Variants in RBFOX1 observed in about 807,000 individuals in gnomAD.
RBFOX1 encodes the protein RNA binding fox-1 homolog 1, also known as RNA binding protein fox-1 homolog 1.
A neutral mutation model predicts 57.7 loss-of-function variants in RBFOX1; 8 were observed. The observed-to-expected ratio is 0.14, with a 90% CI of 0.08 to 0.25. RBFOX1 has a LOEUF of 0.25. Among genes scored for constraint, RBFOX1 ranks in the 10% least tolerant of loss-of-function variants. RBFOX1 has a pLI of 1.00. For synonymous variants in RBFOX1, 326 were observed against 222.4 expected (o/e 1.47, Z -4.15); for missense variants, 611 against 548.5 (o/e 1.11, Z -1.14).
chr16:6,150,880 C>A (rs914653268), intron 1 of RBFOX1, among the ~76,000 whole-genome samples: 1 of 152,206 alleles, frequency 6.6e-6, no homozygotes, highest in South Asian at 2.1e-4. Flanking sequence ...TCTTGACGTG[C>A]AGCTGAATTA....
intron 3 of RBFOX1, among the ~76,000 whole-genome samples, chr16:7,005,691 A>G (rs184522971): frequency 3.3e-5 from 5 of 152,324 alleles, no homozygotes; most frequent in Non-Finnish European, 5.9e-5. Flanking sequence ...AGACAAGGCC[A>G]TCTCAGGACT....
chr16:5,806,329 G>A (rs1415586186), intron 3 of RBFOX1, among the ~76,000 whole-genome samples: 3 of 152,142 alleles, frequency 2.0e-5, no homozygotes, highest in African/African-American at 7.2e-5. Flanking sequence ...GTCTGGTGAG[G>A]GCCTTCCTCC....
chr16:7,000,324 CAAATT>C (rs1018614301), intron 3 of RBFOX1, among the ~76,000 whole-genome samples: 3 of 152,120 alleles, frequency 2.0e-5, no homozygotes, highest in East Asian at 3.9e-4. Flanking sequence ...CGATATGTCT[CAAATT>C]AAAATTAGTC....
chr16:5,371,862 A>G (rs1158881982), intron 1 of RBFOX1, among the ~76,000 whole-genome samples: 2 of 152,180 alleles, frequency 1.3e-5, no homozygotes, highest in East Asian at 1.9e-4. Context: ...ATCCATGGTT[A>G]CTTGACCTCT....
At chr16:6,846,572 G>A (rs750088407) in intron 3 of RBFOX1, among the ~76,000 whole-genome samples, 11 of 152,210 alleles carry the variant, frequency 7.2e-5, no homozygotes, top group East Asian at 1.9e-4. Context: ...GCTGCAATGC[G>A]AGATTGGAGC....
intron 4 of RBFOX1, among the ~76,000 whole-genome samples, chr16:7,054,396 C>T (rs11643433): frequency 0.53 from 79,698 of 150,944 alleles, 23,163 homozygotes; most frequent in South Asian, 0.76. Context: ...CGCGCCACCA[C>T]GCCCAGCTAA....
At position 7,712,119 on chromosome 16, in the gene RBFOX1, A is replaced by G. The variant is rs1331941595; in HGVS notation, c.*1374A>G. ...TGCAGGGCCAGAGTGACACAGCCGA[A>G]AAATTGCAGTTTGTCTGTACTTCTG... On this transcript the variant is annotated 3_prime_UTR_variant, in exon 16 of 16. Coordinates refer to ENST00000550418, the MANE Select transcript of RBFOX1 (RefSeq NM_018723.4). 2.0e-5 allele frequency: 3 copies of G among 152,640 alleles called. No homozygotes were observed. Among genetic ancestry groups the G allele is most frequent in the African/African-American group, 7.2e-5 (3 of 41,464 alleles). 9.5% of individuals were successfully genotyped at this position (152,640 alleles called of 1,614,324 possible).
At chr16:5,655,398 C>G (rs759526557) in intron 3 of RBFOX1, among the ~76,000 whole-genome samples, 1 of 152,186 alleles carries the variant, frequency 6.6e-6, no homozygotes, top group Non-Finnish European at 1.5e-5. Flanking sequence ...CTTTCTCCTG[C>G]TCCTTGGAGG....
At chr16:6,537,525 G>A (rs538873399) in intron 2 of RBFOX1, among the ~76,000 whole-genome samples, 3 of 152,300 alleles carry the variant, frequency 2.0e-5, no homozygotes, top group South Asian at 2.1e-4. Context: ...TGATGTGATC[G>A]AGTTGCTGAG....
chr16:6,489,350 A>G (rs1318496263), intron 2 of RBFOX1, among the ~76,000 whole-genome samples: 1 of 152,180 alleles, frequency 6.6e-6, no homozygotes, highest in Non-Finnish European at 1.5e-5. Context: ...ATAATATTTT[A>G]TATTTGCCGA....
intron 4 of RBFOX1, among the ~76,000 whole-genome samples, chr16:5,921,879 T>C (rs2058830277): frequency 6.6e-6 from 1 of 151,812 alleles, no homozygotes; most frequent in East Asian, 1.9e-4. Flanking sequence ...AGGCCAGGTG[T>C]GGTGGCTTAG....
intron 4 of RBFOX1, among the ~76,000 whole-genome samples, chr16:5,871,419 T>C (rs1469996066): frequency 6.6e-6 from 1 of 152,244 alleles, no homozygotes; most frequent in East Asian, 1.9e-4. Context: ...ATTTGCACAT[T>C]AATTGGCCCT....
At chr16:5,992,753 G>A (rs979372369) in intron 4 of RBFOX1, among the ~76,000 whole-genome samples, 1 of 152,196 alleles carries the variant, frequency 6.6e-6, no homozygotes, top group African/African-American at 2.4e-5. Context: ...GGCCAACATG[G>A]TGAAACCTTG....
intron 4 of RBFOX1, among the ~76,000 whole-genome samples, chr16:5,886,818 G>A (rs1432197973): frequency 2.0e-5 from 3 of 152,242 alleles, no homozygotes; most frequent in Non-Finnish European, 4.4e-5. Context: ...AACCTGGGAG[G>A]TGGAGGTTGC....
chr16:7,640,742 G>A (rs2143181297), intron 11 of RBFOX1, among the ~76,000 whole-genome samples: 1 of 152,254 alleles, frequency 6.6e-6, no homozygotes, highest in Non-Finnish European at 1.5e-5. Context: ...CAACTGGCTA[G>A]TGCAGCTCCT....
intron 2 of RBFOX1, among the ~76,000 whole-genome samples, chr16:5,553,711 G>A (rs2045559977): frequency 6.7e-6 from 1 of 149,852 alleles, no homozygotes; most frequent in Non-Finnish European, 1.5e-5. Flanking sequence ...ATATATATGT[G>A]TGTATATACA....
intron 3 of RBFOX1, among the ~76,000 whole-genome samples, chr16:5,752,395 T>C (rs74006251): frequency 0.013 from 1,919 of 152,252 alleles, 39 homozygotes; most frequent in African/African-American, 0.041. Flanking sequence ...AGCTTACCAA[T>C]ATAACAAACC....
intron 14 of RBFOX1, among the ~76,000 whole-genome samples, chr16:7,690,399 C>G (rs1461161137): frequency 3.3e-5 from 5 of 152,136 alleles, no homozygotes; most frequent in African/African-American, 9.7e-5. Context: ...TTCAGTGTAG[C>G]TTGGTAACCA....
At chr16:6,826,886 G>A (rs1213095294) in intron 3 of RBFOX1, among the ~76,000 whole-genome samples, 5 of 152,136 alleles carry the variant, frequency 3.3e-5, no homozygotes, top group Non-Finnish European at 5.9e-5. Flanking sequence ...TGATGAATAA[G>A]AAATTTTCCG....
Sources: allele counts gnomAD v4.1 joint callset (sites outside exome capture counted in the v4.1 genomes callset), GRCh38; gene constraint gnomAD v4.1.1; transcripts MANE v1.5; gene names NCBI Gene and HGNC (gene_info 2026-07-23, HGNC 2026-07-21).